Variants in PTPRH observed in about 807,000 individuals in gnomAD.
The protein encoded by PTPRH is protein tyrosine phosphatase receptor type H, also known as receptor-type tyrosine-protein phosphatase H.
PTPRH carries 113 observed loss-of-function variants against 130.2 expected under a neutral mutation model. That is an observed-to-expected ratio of 0.87 (90% CI 0.75 to 1.01). The LOEUF (loss-of-function observed/expected upper bound fraction) is 1.01, where lower values mean the gene tolerates loss of function less well. Ranked by LOEUF, PTPRH falls within the 50% of genes least tolerant of loss-of-function variation. The pLI, the probability that PTPRH is intolerant of heterozygous loss-of-function variation, is 0.00. For synonymous variants in PTPRH, 556 were observed against 577.9 expected, an observed-to-expected ratio of 0.96 and a Z score of 0.54; for missense variants, 1,430 against 1,425.0, an observed-to-expected ratio of 1.00 and a Z score of -0.06.
intron 10 of PTPRH, chr19:55,194,024 A>AT (rs2086617122): frequency 1.9e-6 from 1 of 519,660 alleles, no homozygotes. Flanking sequence ...AATTTTTTGT[A>AT]TTTTTAGTAG....
intron 4 of PTPRH, among the ~76,000 whole-genome samples, chr19:55,204,419 G>T (rs1391219869): frequency 3.3e-5 from 5 of 152,268 alleles, no homozygotes; most frequent in Non-Finnish European, 7.4e-5. Flanking sequence ...GGGCATTTTT[G>T]ATCATCAGAG....
Position 55,207,194 on chromosome 19 carries a change from C to T in PTPRH, c.57G>A (p.Leu19=). Residue 19 remains leucine (L), a synonymous_variant, in exon 2 of 20, where the codon CTG becomes CTA. Coordinates refer to ENST00000376350, the MANE Select transcript of PTPRH (RefSeq NM_002842.5). ...GCGCCCTGGCCCCTGTCCAGCTGCACAGGCCCTGGAGGGAACCCAGAGAAA... is the reference window on the plus strand; with the variant it reads ...GCGCCCTGGCCCCTGTCCAGCTGCATAGGCCCTGGAGGGAACCCAGAGAAA... ...GVWGNLVLLG[L]CSWTGARAPA... is the part of the protein sequence containing the mutation. The T allele has an allele frequency of 6.2e-7, 1 of 1,613,370 alleles. No homozygotes were observed. Among genetic ancestry groups the T allele is most frequent in the East Asian group, 2.2e-5 (1 of 44,852 alleles).
intron 13 of PTPRH, 97 bp downstream of exon 13, chr19:55,187,981 T>C: frequency 1.3e-6 from 1 of 759,928 alleles, no homozygotes; most frequent in Admixed American, 2.0e-5. Context: ...CTACTTTTGC[T>C]TAATCCCGAA....
chr19:55,185,182 A>G (rs1031619498), intron 18 of PTPRH, among the ~76,000 whole-genome samples: 2 of 151,896 alleles, frequency 1.3e-5, no homozygotes, highest in African/African-American at 4.8e-5. Flanking sequence ...TTTAGTAGAG[A>G]CAAGGTTTGT....
At chr19:55,192,546 A>AT (rs1170995405) in intron 10 of PTPRH, among the ~76,000 whole-genome samples, 3 of 150,848 alleles carry the variant, frequency 2.0e-5, no homozygotes, top group African/African-American at 2.4e-5. Flanking sequence ...TTATGTGCAG[A>AT]TTTTTTTTTC....
intron 3 of PTPRH, among the ~76,000 whole-genome samples, chr19:55,206,233 A>C (rs1374526217): frequency 7.5e-6 from 1 of 133,238 alleles, no homozygotes; most frequent in Non-Finnish European, 1.7e-5. Flanking sequence ...ACTCTGCCTC[A>C]AAAAAAAAAA....
chr19:55,198,094 G>A (rs1568913654), intron 8 of PTPRH, among the ~76,000 whole-genome samples: 1 of 152,176 alleles, frequency 6.6e-6, no homozygotes, highest in Non-Finnish European at 1.5e-5. Context: ...GCGCATGTTT[G>A]TGGTCCCAGC....
rs2086824667 is a variant in PTPRH at position 55,200,465 on chromosome 19, C to G, written c.1191G>C (p.Gln397His). 1 of 1,614,000 alleles carries G rather than the reference C, an allele frequency of 6.2e-7. No individual in the cohort carries two copies. ...AGCATAGGGCGATGGAGCTGTTGGT[C>G]TGAGTCTCCATATGGAGGTTTCTCA... ...NPVRNLHMET[Q>H]TNSSIALCWE... The change falls in exon 7 of 20, where the codon CAG becomes CAC. Residue 397 changes from glutamine (Q) to histidine (H), a missense_variant. Physicochemically the swap from Gln to His is conservative, Grantham distance 24 (BLOSUM62 0). Transcript: ENST00000376350.
rs1456101983 is a variant in PTPRH at position 55,206,963 on chromosome 19, T to A, written c.86-8A>T. 1.3e-6 allele frequency: 2 copies of A among 1,582,384 alleles called. No individual in the cohort carries two copies. Among genetic ancestry groups the A allele is most frequent in the South Asian group, 1.2e-5 (1 of 86,764 alleles). On this transcript the variant is annotated splice_region_variant and splice_polypyrimidine_tract_variant and intron_variant, in intron 2 of 19. Transcript: ENST00000376350. ...TCCTCCCTGGGTTGGGGGCTGAGAA[T>A]TGGGAAGGAAGGTCTGACAAAAAGG...
At chr19:55,191,936 C>G (rs771494119) in intron 10 of PTPRH, 195 bp from the exon 11 acceptor site, 5 of 676,482 alleles carry the variant, frequency 7.4e-6, no homozygotes, top group Admixed American at 4.1e-5. Context: ...ACCCCTGAGA[C>G]AGCAAGACCA....
intron 5 of PTPRH, among the ~76,000 whole-genome samples, chr19:55,202,814 G>A (rs7258115): frequency 0.22 from 33,782 of 151,966 alleles, 4,047 homozygotes; most frequent in African/African-American, 0.29. Context: ...TGAGGTAGGC[G>A]GATCACCTGA....
chr19:55,185,779 G>A, intron 17 of PTPRH, 83 bp downstream of exon 17: 1 of 1,605,304 alleles, frequency 6.2e-7, no homozygotes, highest in East Asian at 2.2e-5. Context: ...TGGGTGGAAG[G>A]TTGGAGTTGG....
intron 18 of PTPRH, among the ~76,000 whole-genome samples, chr19:55,184,766 G>A (rs997664182): frequency 5.9e-5 from 9 of 151,550 alleles, no homozygotes; most frequent in Admixed American, 3.3e-4. Flanking sequence ...CACCCTGGGC[G>A]ACAGGGAGAG....
Position 55,182,162 on chromosome 19 carries a change from C to G in PTPRH, c.3063-11G>C. 1 of 1,612,756 alleles carries G rather than the reference C, an allele frequency of 6.2e-7. No individual in the cohort carries two copies. Among genetic ancestry groups the G allele is most frequent in the Middle Eastern group, 1.7e-4 (1 of 6,060 alleles). ...CGACCCACGCCAGCACTAGGCAGAA[C>G]AAGGGAAGGGTCAGACCAAGGGGCA... is the stretch of plus-strand genomic sequence containing the variant. On this transcript the variant is annotated splice_polypyrimidine_tract_variant and intron_variant, in intron 18 of 19. Coordinates refer to ENST00000376350, the MANE Select transcript of PTPRH (RefSeq NM_002842.5).
intron 14 of PTPRH, among the ~76,000 whole-genome samples, chr19:55,187,120 C>T (rs1434435188): frequency 2.8e-4 from 42 of 150,290 alleles, no homozygotes; most frequent in East Asian, 2.4e-3. Flanking sequence ...CCGAGGCGGG[C>T]AGATCACAAG....
In PTPRH at chr19:55,181,838, G is replaced by A. The variant is rs143379897; in HGVS notation, c.3264C>T (p.Ala1088=). 13 of 1,614,176 alleles carry A rather than the reference G, an allele frequency of 8.1e-6. No homozygotes were observed. Among genetic ancestry groups the A allele is most frequent in the African/African-American group, 6.7e-5 (5 of 75,048 alleles). The change falls in exon 20 of 20, where the codon GCC becomes GCT. Residue 1088 remains alanine (A), a synonymous_variant. Transcript: ENST00000376350. ...RFLQQSAQAP[A]EKEVPYEDVE... ...CATCCTCATACGGGACTTCCTTCTC[G>A]GCTGGGGCCTGGGCTGACTGTTGGA... is the stretch of plus-strand genomic sequence containing the variant.
chr19:55,203,685 T>C, intron 5 of PTPRH, 97 bp downstream of exon 5: 2 of 1,406,520 alleles, frequency 1.4e-6, no homozygotes, highest in Non-Finnish European at 9.5e-7. Flanking sequence ...TGTGTTTCTA[T>C]TGGACTAAAG....
rs1041715178 is a variant in PTPRH at position 55,181,667 on chromosome 19, C to G, written c.*87G>C. ...CACAGCACCCAGGAGTCTGGGAGCC[C>G]AGCCCTCTGCTCTTCCAGGAATCTG... On this transcript the variant is annotated 3_prime_UTR_variant, in exon 20 of 20. Transcript: ENST00000376350. 4.5e-6 allele frequency: 7 copies of G among 1,558,756 alleles called. No individual in the cohort carries two copies. The highest frequency in any genetic ancestry group is 5.2e-6 in the Non-Finnish European group (6 of 1,143,078).
Position 55,196,767 on chromosome 19 carries a change from G to C in PTPRH, c.2012C>G (p.Thr671Ser), listed in dbSNP as rs1641500824. Residue 671 changes from threonine to serine, a missense_variant, in exon 10 of 20, where the codon ACT becomes AGT. By Grantham distance (58) the Thr-to-Ser change is moderately conservative. Coordinates refer to ENST00000376350, the MANE Select transcript of PTPRH (RefSeq NM_002842.5). ...ASTYPDTVTI[T>S]SCVSTSAGYG... ...GCCCGCTGAGGTGCTGACACAGGAA[G>C]TGATGGTGACTGTGTCTGGGTCTGG... The C allele has an allele frequency of 6.2e-7, 1 of 1,613,850 alleles. No individual in the cohort carries two copies. Among genetic ancestry groups the C allele is most frequent in the Admixed American group, 1.7e-5 (1 of 60,002 alleles).
Sources: gnomAD v4.1 joint callset for allele counts (sites outside exome capture counted in the v4.1 genomes callset) on GRCh38, gnomAD v4.1.1 for gene constraint, MANE v1.5 for transcripts, NCBI Gene and HGNC (gene_info 2026-07-23, HGNC 2026-07-21) for gene names.